CNIH3: variants seen among roughly 807,000 people sequenced by gnomAD.
CNIH3 encodes protein cornichon homolog 3.
CNIH3 carries 14 observed loss-of-function variants against 24.1 expected under a neutral mutation model. That is an observed-to-expected ratio of 0.58 (90% CI 0.38 to 0.91). The LOEUF is 0.91. Ranked by LOEUF, CNIH3 falls within the 40% of genes least tolerant of loss-of-function variation. CNIH3 has a pLI of 0.00. For synonymous variants in CNIH3, 68 were observed against 73.8 expected, an observed-to-expected ratio of 0.92 and a Z score of 0.40; for missense variants, 178 against 196.8, an observed-to-expected ratio of 0.90 and a Z score of 0.57.
At chr1:224,706,283 A>C (rs1687804869) in intron 3 of CNIH3, among the ~76,000 whole-genome samples, 1 of 152,138 alleles carries the variant, frequency 6.6e-6, no homozygotes, top group South Asian at 2.1e-4. Context: ...GATTAGCCTT[A>C]GTCCCAGGAA....
intron 1 of CNIH3, among the ~76,000 whole-genome samples, chr1:224,641,985 A>G (rs910592484): frequency 6.6e-6 from 1 of 152,240 alleles, no homozygotes; most frequent in African/African-American, 2.4e-5. Flanking sequence ...GAATCACCAG[A>G]AAACATCTCC....
At chr1:224,707,208 C>T (rs552162773) in intron 3 of CNIH3, among the ~76,000 whole-genome samples, 2 of 152,184 alleles carry the variant, frequency 1.3e-5, no homozygotes, top group South Asian at 4.2e-4. Flanking sequence ...AAGTGATCTG[C>T]CCACCTCAGC....
At chr1:224,652,563 G>A (rs975439991) in intron 1 of CNIH3, among the ~76,000 whole-genome samples, 1 of 152,166 alleles carries the variant, frequency 6.6e-6, no homozygotes, top group African/African-American at 2.4e-5. Context: ...TAGGAGAGGG[G>A]TAGGCAAGAG....
chr1:224,603,776 TG>T lies in CNIH3; in HGVS notation n.402+37514del, dbSNP rs1682302964. Among the ~76,000 whole-genome samples the T allele has an allele frequency of 2.0e-5, 3 of 152,272 alleles. No individual in the cohort carries two copies. In the East Asian group the frequency reaches 5.8e-4, roughly 29 times the overall value. ...TGCACGGTGTAAAGGATGTCTGAGGTGGTTTGGATGATACTCTAGGCTGTGG... is the reference window on the plus strand; with the variant it reads ...TGCACGGTGTAAAGGATGTCTGAGGTGTTTGGATGATACTCTAGGCTGTGG... On this transcript the variant is annotated intron_variant and non_coding_transcript_variant, in intron 3 of 7. Transcript: ENST00000478120.
downstream of CNIH3, among the ~76,000 whole-genome samples, chr1:224,539,467 G>T (rs1011577444): frequency 1.3e-5 from 2 of 152,108 alleles, no homozygotes; most frequent in Admixed American, 1.3e-4. Context: ...TTTCTTCATT[G>T]TTGCATGAGT....
intron 2 of CNIH3, among the ~76,000 whole-genome samples, chr1:224,531,187 A>T (rs761282081): frequency 5.3e-5 from 8 of 152,190 alleles, no homozygotes; most frequent in Non-Finnish European, 8.8e-5. Flanking sequence ...TCATTTATTT[A>T]GTAACCATTA....
chr1:224,671,986 A>G (rs1685888082), intron 1 of CNIH3, among the ~76,000 whole-genome samples: 1 of 151,902 alleles, frequency 6.6e-6, no homozygotes, highest in African/African-American at 2.4e-5. Flanking sequence ...CAGGCATAAA[A>G]CTAGGACTAG....
intron 3 of CNIH3, among the ~76,000 whole-genome samples, chr1:224,553,167 C>G (rs1018211181): frequency 6.7e-6 from 1 of 149,722 alleles, no homozygotes; most frequent in Non-Finnish European, 1.5e-5. Context: ...AATATATCAT[C>G]TCCCTTAGAT....
At chr1:224,607,629 CTT>C (rs766079046) in intron 3 of CNIH3, among the ~76,000 whole-genome samples, 2 of 152,084 alleles carry the variant, frequency 1.3e-5, no homozygotes, top group African/African-American at 2.4e-5. Context: ...GAAGGGATGA[CTT>C]TTAGGTCTCT....
At chr1:224,488,808 T>C (rs906253039) in intron 1 of CNIH3, among the ~76,000 whole-genome samples, 3 of 152,050 alleles carry the variant, frequency 2.0e-5, no homozygotes, top group Admixed American at 2.0e-4. Context: ...GTTTTTCAGT[T>C]CTATAATTTC....
chr1:224,666,067 C>G (rs1274241900), intron 1 of CNIH3, among the ~76,000 whole-genome samples: 1 of 152,114 alleles, frequency 6.6e-6, no homozygotes, highest in Non-Finnish European at 1.5e-5. Context: ...ACCCCTGTTC[C>G]AAGTTCAGAA....
At chr1:224,518,904 G>A (rs1449896694) in intron 1 of CNIH3, among the ~76,000 whole-genome samples, 3 of 152,158 alleles carry the variant, frequency 2.0e-5, no homozygotes, top group African/African-American at 7.2e-5. Flanking sequence ...TAAGATCCAG[G>A]CTTGGTGCAA....
intron 3 of CNIH3, among the ~76,000 whole-genome samples, chr1:224,562,095 T>A (rs1430291430): frequency 6.6e-6 from 1 of 152,214 alleles, no homozygotes; most frequent in African/African-American, 2.4e-5. Flanking sequence ...TCTATGCTAA[T>A]TAAGGGATTT....
At chr1:224,707,887 A>G (rs1390219632) in intron 3 of CNIH3, among the ~76,000 whole-genome samples, 1 of 152,012 alleles carries the variant, frequency 6.6e-6, no homozygotes, top group African/African-American at 2.4e-5. Flanking sequence ...TTATTGACAT[A>G]CCTTTCCCAC....
At chr1:224,526,203 C>A (rs1678839913) in intron 2 of CNIH3, among the ~76,000 whole-genome samples, 1 of 152,186 alleles carries the variant, frequency 6.6e-6, no homozygotes, top group South Asian at 2.1e-4. Flanking sequence ...ATCTGGCTAA[C>A]CAGGCAAAAG....
chr1:224,728,878 A>G (rs1257801093), intron 3 of CNIH3, among the ~76,000 whole-genome samples: 1 of 152,238 alleles, frequency 6.6e-6, no homozygotes, highest in African/African-American at 2.4e-5. Context: ...ACTGCCATGC[A>G]TTGTACAAAG....
chr1:224,463,773 A>ATTTTTTTTT lies in CNIH3; in HGVS notation n.203+28939_203+28947dup, dbSNP rs56137320. 6.3e-4 allele frequency among the ~76,000 whole-genome samples: 13 copies of ATTTTTTTTT among 20,728 alleles called. 2 individuals carry two copies. The highest frequency in any genetic ancestry group is 7.7e-4 in the African/African-American group (3 of 3,910). The allele number at this position is 20,728 out of a possible 152,430, so 13.6% of individuals were successfully genotyped here. ...TTCTCCCAGCTTATGAATTGTCCTC[A>ATTTTTTTTT]TTTTTTTTTTTTTTTTTTTTTTTTT... On this transcript the variant is annotated intron_variant and non_coding_transcript_variant, in intron 1 of 5. Coordinates refer to the CNIH3 transcript ENST00000471578.
At chr1:224,441,007 A>G (rs902688373) in intron 1 of CNIH3, among the ~76,000 whole-genome samples, 4 of 151,820 alleles carry the variant, frequency 2.6e-5, no homozygotes, top group South Asian at 2.1e-4. Flanking sequence ...TAGTAGAGAC[A>G]GGGTTTCACC....
At position 224,720,252 on chromosome 1, in the gene CNIH3, C is replaced by CTTT. The variant is rs10625559; in HGVS notation, c.199-10196_199-10194dup. On this transcript the variant is annotated intron_variant, in intron 3 of 5. Coordinates refer to ENST00000272133, the MANE Select transcript of CNIH3 (RefSeq NM_152495.2). The stretch of plus-strand genomic sequence containing the variant: ...AATAAGTGTTAAGTAGGATAGTCAT[C>CTTT]TTTTTTTTTTTTTTTTCTTGGAAAA... Among the ~76,000 whole-genome samples the CTTT allele has an allele frequency of 4.6e-3, 655 of 142,084 alleles. 7 individuals carry two copies. The highest frequency in any genetic ancestry group is 0.011 in the African/African-American group (421 of 38,572). The allele number at this position is 142,084 out of a possible 152,430, so 93.2% of individuals were successfully genotyped here.
Sources: allele counts gnomAD v4.1 joint callset (sites outside exome capture counted in the v4.1 genomes callset), GRCh38; gene constraint gnomAD v4.1.1; transcripts MANE v1.5; gene names NCBI Gene and HGNC (gene_info 2026-07-23, HGNC 2026-07-21).